CNIH3: variants seen among roughly 807,000 people sequenced by gnomAD.
CNIH3 encodes the protein protein cornichon homolog 3.
In CNIH3, 14 loss-of-function variants were observed where a neutral mutation model predicts 24.1. That is an observed-to-expected ratio of 0.58 (90% CI 0.38 to 0.91). The LOEUF (loss-of-function observed/expected upper bound fraction) is 0.91, where lower values mean the gene tolerates loss of function less well. Among genes scored for constraint, CNIH3 ranks in the 40% least tolerant of loss-of-function variants. CNIH3 has a pLI of 0.00. For missense variants in CNIH3, 178 were observed against 196.8 expected, an observed-to-expected ratio of 0.90 and a Z score of 0.57; for synonymous variants, 68 against 73.8, an observed-to-expected ratio of 0.92 and a Z score of 0.40.
At chr1:224,633,975 G>T (rs901104863) in intron 1 of CNIH3, among the ~76,000 whole-genome samples, 4 of 152,252 alleles carry the variant, frequency 2.6e-5, no homozygotes, top group African/African-American at 9.6e-5. Flanking sequence ...GTGAGCTGCA[G>T]AAAAACATCT....
At chr1:224,471,534 T>G (rs769744384) in intron 1 of CNIH3, among the ~76,000 whole-genome samples, 6 of 152,172 alleles carry the variant, frequency 3.9e-5, no homozygotes, top group African/African-American at 7.2e-5. Context: ...GCTTATTTCC[T>G]TAACATAACT....
At chr1:224,645,997 C>G (rs574867425) in intron 1 of CNIH3, among the ~76,000 whole-genome samples, 15 of 152,086 alleles carry the variant, frequency 9.9e-5, no homozygotes, top group Non-Finnish European at 7.3e-5. Flanking sequence ...TTTAGGGAAT[C>G]CAGTTGTATT....
rs545535745 is a variant in CNIH3, at chr1:224,677,689, T to C, written c.82-3269T>C. 3.9e-5 allele frequency among the ~76,000 whole-genome samples: 6 copies of C among 152,340 alleles called. No individual in the cohort carries two copies. In the South Asian group the frequency reaches 1.0e-3, roughly 26 times the overall value. On this transcript the variant is annotated intron_variant, in intron 1 of 5. Coordinates refer to ENST00000272133, the MANE Select transcript of CNIH3 (RefSeq NM_152495.2). ...ACAGCCCCAGATCCCCTTTGGCTCC[T>C]CTCTGCTGCTTCAAGCTCCAGCTAC...
intron 3 of CNIH3, among the ~76,000 whole-genome samples, chr1:224,548,445 G>T (rs977075548): frequency 2.5e-4 from 38 of 151,232 alleles, no homozygotes; most frequent in Middle Eastern, 3.5e-3. Context: ...GATATTATTT[G>T]TAATATATAG....
intron 3 of CNIH3, among the ~76,000 whole-genome samples, chr1:224,689,424 A>C (rs1686820526): frequency 1.3e-5 from 2 of 152,190 alleles, no homozygotes; most frequent in South Asian, 4.1e-4. Context: ...GGCTGGTTGC[A>C]TCCCCTCTTA....
chr1:224,642,516 C>A (rs557737455), intron 1 of CNIH3, among the ~76,000 whole-genome samples: 1 of 152,138 alleles, frequency 6.6e-6, no homozygotes, highest in African/African-American at 2.4e-5. Flanking sequence ...CGGTGTGAGC[C>A]GCTGTACCTG....
chr1:224,449,252 C>T (rs189689803), intron 1 of CNIH3, among the ~76,000 whole-genome samples: 2 of 152,082 alleles, frequency 1.3e-5, no homozygotes, highest in African/African-American at 4.8e-5. Context: ...GTGTGAGCCA[C>T]CGCACCCGGC....
At chr1:224,510,883 C>T (rs1433676559), upstream of CNIH3, among the ~76,000 whole-genome samples, 2 of 152,198 alleles carry the variant, frequency 1.3e-5, no homozygotes, top group African/African-American at 4.8e-5. Flanking sequence ...TGGCTTTGTC[C>T]TCTGGGAGAA....
Position 224,616,962 on chromosome 1 carries a change from C to A in CNIH3, c.-213C>A. On this transcript the variant is annotated 5_prime_UTR_variant, in exon 1 of 6. Coordinates refer to ENST00000272133, the MANE Select transcript of CNIH3 (RefSeq NM_152495.2). ...CTCGACACACGTTTTCCTGTCTTCG[C>A]CGGAGGGCCGGGTCTGGGGTCGCCG... is the stretch of plus-strand genomic sequence containing the variant. 7.2e-7 allele frequency: 1 copy of A among 1,393,918 alleles called. No individual in the cohort carries two copies. The allele number at this position is 1,393,918 out of a possible 1,614,324, so 86.3% of individuals were successfully genotyped here. A position where few individuals can be genotyped will look rare whatever the true frequency, so the allele number is the denominator to read the frequency against.
At chr1:224,564,872 T>A (rs1486575709) in intron 3 of CNIH3, among the ~76,000 whole-genome samples, 1 of 152,216 alleles carries the variant, frequency 6.6e-6, no homozygotes, top group Non-Finnish European at 1.5e-5. Context: ...ACAGCTCAAT[T>A]GGCTCCTGAC....
rs1195677750 is a variant in CNIH3, at chr1:224,510,612, A to C, written n.204-5129A>C. Among the ~76,000 whole-genome samples the C allele has an allele frequency of 3.0e-5, 4 of 135,136 alleles. 1 individual carries two copies. Among genetic ancestry groups the C allele is most frequent in the African/African-American group, 6.4e-5 (2 of 31,022 alleles). 88.7% of individuals were successfully genotyped at this position (135,136 alleles called of 152,430 possible). On this transcript the variant is annotated intron_variant and non_coding_transcript_variant, in intron 1 of 5. Coordinates refer to the CNIH3 transcript ENST00000471578. ...ACCCTGTCTCAAAAAAAAAAAACAA[A>C]AAAAAAACAAAAAAAAGAAAGAACT...
At chr1:224,513,806 C>T (rs1678268020), upstream of CNIH3, 2 of 152,230 alleles carry the variant, frequency 1.3e-5, no homozygotes, top group Non-Finnish European at 2.9e-5. Context: ...ACTGCGCACT[C>T]ACACGACCAT....
At chr1:224,582,011 G>A (rs1300546461) in intron 4 of CNIH3, among the ~76,000 whole-genome samples, 1 of 152,154 alleles carries the variant, frequency 6.6e-6, no homozygotes, top group East Asian at 1.9e-4. Flanking sequence ...GGTGATGGGG[G>A]TGGACATGCA....
At chr1:224,663,082 A>C (rs1685437305) in intron 1 of CNIH3, among the ~76,000 whole-genome samples, 1 of 152,186 alleles carries the variant, frequency 6.6e-6, no homozygotes, top group Non-Finnish European at 1.5e-5. Flanking sequence ...CTTAATACTA[A>C]TCAGTCCTGA....
At chr1:224,443,602 C>G (rs1287578891) in intron 1 of CNIH3, among the ~76,000 whole-genome samples, 1 of 151,950 alleles carries the variant, frequency 6.6e-6, no homozygotes, top group African/African-American at 2.4e-5. Flanking sequence ...TACCTAGAGA[C>G]CTTACCTTGG....
chr1:224,697,672 T>A (rs536549805), intron 3 of CNIH3, among the ~76,000 whole-genome samples: 7 of 152,242 alleles, frequency 4.6e-5, no homozygotes, highest in Non-Finnish European at 4.4e-5. Context: ...GAAGTAAAGA[T>A]TCTGTTTTTC....
intron 4 of CNIH3, among the ~76,000 whole-genome samples, chr1:224,733,527 T>G (rs1375126693): frequency 6.6e-6 from 1 of 152,166 alleles, no homozygotes; most frequent in Non-Finnish European, 1.5e-5. Flanking sequence ...TCAGTGCAAT[T>G]CTCTGAAGGG....
downstream of CNIH3, among the ~76,000 whole-genome samples, chr1:224,538,774 C>G (rs1679394755): frequency 1.3e-5 from 2 of 151,752 alleles, no homozygotes; most frequent in African/African-American, 4.8e-5. Context: ...ATCCTCCCAC[C>G]TCAGCCTCCT....
chr1:224,466,590 A>T (rs1252507462), intron 1 of CNIH3, among the ~76,000 whole-genome samples: 1 of 152,196 alleles, frequency 6.6e-6, no homozygotes, highest in Non-Finnish European at 1.5e-5. Flanking sequence ...GAGCGCATAT[A>T]GGTTTTCATT....
Sources: allele counts gnomAD v4.1 joint callset (sites outside exome capture counted in the v4.1 genomes callset), GRCh38; gene constraint gnomAD v4.1.1; transcripts MANE v1.5; gene names NCBI Gene and HGNC (gene_info 2026-07-23, HGNC 2026-07-21).